PKHD1: variants seen among roughly 807,000 people sequenced by gnomAD.
The protein encoded by PKHD1 is fibrocystin.
A neutral mutation model predicts 412.0 loss-of-function variants in PKHD1; 291 were observed. The ratio of observed to expected loss-of-function variants is 0.71; its 90% CI spans 0.64 to 0.78. The LOEUF (loss-of-function observed/expected upper bound fraction) is 0.78, where lower values mean the gene tolerates loss of function less well. Ranked by LOEUF, PKHD1 falls within the 30% of genes least tolerant of loss-of-function variation. PKHD1 has a pLI of 0.00. For missense variants in PKHD1, 4,825 were observed against 4,950.7 expected (o/e 0.97, Z 0.76); for synonymous variants, 1,777 against 1,821.5 (o/e 0.98, Z 0.62).
intron 60 of PKHD1, among the ~76,000 whole-genome samples, chr6:51,673,655 G>A (rs1450214266): frequency 6.6e-6 from 1 of 152,196 alleles, no homozygotes; most frequent in Non-Finnish European, 1.5e-5. Flanking sequence ...CGCTGATTAT[G>A]TCAATAAGAC....
At chr6:52,011,264 G>A (rs1470476535) in intron 34 of PKHD1, among the ~76,000 whole-genome samples, 1 of 152,114 alleles carries the variant, frequency 6.6e-6, no homozygotes, top group Non-Finnish European at 1.5e-5. Context: ...TCCTCAACAG[G>A]TGTGATATTT....
chr6:52,064,850 A>T, intron 13 of PKHD1, 105 bp downstream of exon 13: 1 of 608,300 alleles, frequency 1.6e-6, no homozygotes, highest in Non-Finnish European at 3.0e-6. Context: ...TGAGTAAGCC[A>T]GTCAAATAGA....
intron 52 of PKHD1, among the ~76,000 whole-genome samples, chr6:51,821,786 A>G (rs1229329315): frequency 6.6e-6 from 1 of 152,176 alleles, no homozygotes; most frequent in African/African-American, 2.4e-5. Context: ...TCCTGGGTTC[A>G]AGTGATTCTC....
chr6:51,913,095 G>A (rs181503045), intron 37 of PKHD1, among the ~76,000 whole-genome samples: 18 of 152,194 alleles, frequency 1.2e-4, no homozygotes, highest in Non-Finnish European at 7.4e-5. Context: ...CACACTGTTT[G>A]AGGATGAAAT....
chr6:51,708,177 AC>A (rs1361723415), intron 60 of PKHD1, among the ~76,000 whole-genome samples: 1 of 152,124 alleles, frequency 6.6e-6, no homozygotes, highest in Non-Finnish European at 1.5e-5. Flanking sequence ...ACATGGCACC[AC>A]CAGCCACTCA....
chr6:51,899,254 G>A lies in PKHD1; in HGVS notation c.6996+4343C>T, dbSNP rs1780774177. On this transcript the variant is annotated intron_variant, in intron 43 of 66. Coordinates refer to ENST00000371117, the MANE Select transcript of PKHD1 (RefSeq NM_138694.4). Reference sequence around the variant, plus strand: ...ACCAATATCCTTGATGAACATTGATGCAAAAATCCTCAATAAAATACTGGC... The same window carrying A: ...ACCAATATCCTTGATGAACATTGATACAAAAATCCTCAATAAAATACTGGC... Among the ~76,000 whole-genome samples the A allele has an allele frequency of 2.6e-5, 4 of 152,034 alleles. No homozygotes were observed. In the South Asian group the frequency reaches 6.2e-4, roughly 24 times the overall value.
intron 33 of PKHD1, among the ~76,000 whole-genome samples, chr6:52,020,156 CA>C (rs1315383816): frequency 3.3e-5 from 5 of 151,906 alleles, no homozygotes; most frequent in African/African-American, 1.2e-4. Flanking sequence ...CAGAAATAAA[CA>C]AAAGAACAAA....
At chr6:51,680,447 CAT>C (rs1776494301) in intron 60 of PKHD1, among the ~76,000 whole-genome samples, 1 of 152,020 alleles carries the variant, frequency 6.6e-6, no homozygotes. Context: ...AGAATCTTCT[CAT>C]ATTGCACAGA....
At chr6:51,781,129 C>A (rs1274396232) in intron 53 of PKHD1, among the ~76,000 whole-genome samples, 2 of 152,112 alleles carry the variant, frequency 1.3e-5, no homozygotes, top group Admixed American at 6.6e-5. Context: ...GCCTCTAGAA[C>A]CTTCTTACTA....
intron 60 of PKHD1, among the ~76,000 whole-genome samples, chr6:51,673,545 G>A (rs1450694244): frequency 6.6e-6 from 1 of 152,202 alleles, no homozygotes; most frequent in Non-Finnish European, 1.5e-5. Flanking sequence ...AGCAGTCAAG[G>A]TTTTGAATGA....
At chr6:51,844,166 T>G (rs1226157452) in intron 50 of PKHD1, among the ~76,000 whole-genome samples, 3 of 152,234 alleles carry the variant, frequency 2.0e-5, no homozygotes, top group African/African-American at 7.2e-5. Flanking sequence ...TATTTGGATG[T>G]TTTGTGCCAC....
rs9370093 is a variant in PKHD1, at chr6:52,033,466, T to A, written c.3229-301A>T. Among the ~76,000 whole-genome samples, 62,589 of 151,748 alleles carry A rather than the reference T, an allele frequency of 0.41. 15,049 individuals carry two copies. The highest frequency in any genetic ancestry group is 0.56 in the Admixed American group (8,509 of 15,242). ...GAATTATTTGCAATTAACACACCAATTGTTTCTGCAAAAATATGGCAATTT... is the reference window on the plus strand; with the variant it reads ...GAATTATTTGCAATTAACACACCAAATGTTTCTGCAAAAATATGGCAATTT... On this transcript the variant is annotated intron_variant, in intron 28 of 66. Coordinates refer to ENST00000371117, the MANE Select transcript of PKHD1 (RefSeq NM_138694.4).
At chr6:51,962,534 G>T (rs1792207314) in intron 35 of PKHD1, among the ~76,000 whole-genome samples, 1 of 152,016 alleles carries the variant, frequency 6.6e-6, no homozygotes, top group South Asian at 2.1e-4. Flanking sequence ...TGCTATACTT[G>T]GTCCCAACCC....
At chr6:51,931,433 C>T (rs559352414) in intron 37 of PKHD1, among the ~76,000 whole-genome samples, 6 of 152,242 alleles carry the variant, frequency 3.9e-5, no homozygotes, top group Non-Finnish European at 5.9e-5. Flanking sequence ...CCTCTGGCCC[C>T]GGCAAAAGGC....
At chr6:52,045,258 T>C (rs1727444859) in intron 24 of PKHD1, among the ~76,000 whole-genome samples, 170 bp from the exon 25 acceptor site, 4 of 152,220 alleles carry the variant, frequency 2.6e-5, no homozygotes, top group Admixed American at 2.6e-4. Context: ...AAATAATGGC[T>C]GAGGAAAGTC....
chr6:51,737,392 C>G (rs1783986741), intron 60 of PKHD1, among the ~76,000 whole-genome samples: 1 of 152,110 alleles, frequency 6.6e-6, no homozygotes, highest in South Asian at 2.1e-4. Context: ...CACCTCACTT[C>G]TAGGAAAAAT....
intron 52 of PKHD1, among the ~76,000 whole-genome samples, chr6:51,799,321 C>CTTCT (rs56845998): frequency 6.6e-6 from 1 of 151,314 alleles, no homozygotes; most frequent in Non-Finnish European, 1.5e-5. Context: ...TCCATTTTTT[C>CTTCT]TTCTTTCTTT....
intron 35 of PKHD1, among the ~76,000 whole-genome samples, chr6:51,977,271 T>G (rs941991751): frequency 2.6e-5 from 4 of 152,210 alleles, no homozygotes; most frequent in Non-Finnish European, 5.9e-5. Flanking sequence ...AAGGGTGGGT[T>G]TGCACACCTT....
At chr6:51,744,886 T>C (rs1316824294) in intron 59 of PKHD1, among the ~76,000 whole-genome samples, 1 of 152,118 alleles carries the variant, frequency 6.6e-6, no homozygotes, top group Non-Finnish European at 1.5e-5. Context: ...TGCAGTATTT[T>C]AGAATTATTA....
Sources: allele counts gnomAD v4.1 joint callset (sites outside exome capture counted in the v4.1 genomes callset), GRCh38; gene constraint gnomAD v4.1.1; transcripts MANE v1.5; gene names NCBI Gene and HGNC (gene_info 2026-07-23, HGNC 2026-07-21).